The following RIN1 variants were observed in gnomAD, a reference collection of about 807,000 sequenced individuals.
The protein encoded by RIN1 is ras inhibitor 1.
In RIN1, 52 loss-of-function variants were observed where a neutral mutation model predicts 64.9. The observed-to-expected ratio is 0.80, with a 90% CI of 0.64 to 1.01. The LOEUF is 1.01. Ranked by LOEUF, RIN1 falls within the 50% of genes least tolerant of loss-of-function variation. The probability of loss-of-function intolerance (pLI) is 0.00; values close to 1 mark genes in which losing one functional copy is unlikely to be tolerated. For missense variants in RIN1, 1,040 were observed against 1,064.5 expected, an observed-to-expected ratio of 0.98 and a Z score of 0.32; for synonymous variants, 486 against 483.6, an observed-to-expected ratio of 1.00 and a Z score of -0.06.
chr11:66,332,692 C>CGG lies in RIN1; in HGVS notation c.1934_1935dup (p.Val646ProfsTer11). Reference sequence around the variant, plus strand: ...GTGGCAATCGAGGCTTCTGGGGGCACGGCCAGGGTCTTGGAGGTGCAGCCA... The same window carrying CGG: ...GTGGCAATCGAGGCTTCTGGGGGCACGGGGCCAGGGTCTTGGAGGTGCAGCCA... On this transcript the variant is annotated frameshift_variant, in exon 10 of 10. Transcript: ENST00000311320. LOFTEE classifies it high-confidence loss of function. 6.5e-7 allele frequency: 1 copy of CGG among 1,550,018 alleles called. No homozygotes were observed. Among genetic ancestry groups the CGG allele is most frequent in the Non-Finnish European group, 8.7e-7 (1 of 1,148,836 alleles).
rs1345361612 is a variant in RIN1 at position 66,332,746 on chromosome 11, G to A, written c.1882C>T (p.Leu628Phe). Residue 628 changes from leucine (L) to phenylalanine (F), a missense_variant, in exon 10 of 10, where the codon CTC becomes TTC. By Grantham distance (22) the Leu-to-Phe change is conservative (BLOSUM62 0). Coordinates refer to ENST00000311320, the MANE Select transcript of RIN1 (RefSeq NM_004292.3). ...CTGGGATCCTGATAGGCTACTCGGA[G>A]GAGGTGCTATGCAGGAGGAGAAGCA... ...LPATHCFQHL[L>F]RVAYQDPSSG... 8 of 1,514,654 alleles carry A rather than the reference G, an allele frequency of 5.3e-6. No homozygotes were observed. Among genetic ancestry groups the A allele is most frequent in the Non-Finnish European group, 7.1e-6 (8 of 1,133,016 alleles). 93.8% of individuals were successfully genotyped at this position (1,514,654 alleles called of 1,614,324 possible).
rs372225390 is a variant in RIN1 at position 66,332,693 on chromosome 11, G to A, written c.1935C>T (p.Ala645=). Residue 645 remains alanine, a synonymous_variant, in exon 10 of 10, where the codon GCC becomes GCT. Coordinates refer to ENST00000311320, the MANE Select transcript of RIN1 (RefSeq NM_004292.3). ...PSSGCTSKTL[A]VPPEASIATL... ...TGGCAATCGAGGCTTCTGGGGGCAC[G>A]GCCAGGGTCTTGGAGGTGCAGCCAC... 1.0e-5 allele frequency: 16 copies of A among 1,550,462 alleles called. No individual in the cohort carries two copies. The highest frequency in any genetic ancestry group is 2.5e-5 in the South Asian group (2 of 79,862).
chr11:66,335,744 G>T lies in RIN1; in HGVS notation c.382+18C>A, dbSNP rs376473136. On this transcript the variant is annotated intron_variant, in intron 3 of 9. Transcript: ENST00000311320. Reference sequence around the variant, plus strand: ...ACCTCCCTGCTTCCAGCCCCTTCCCGCCAGGCCAGCCCCTCACCGCCAGGG... The same window carrying T: ...ACCTCCCTGCTTCCAGCCCCTTCCCTCCAGGCCAGCCCCTCACCGCCAGGG... The T allele has an allele frequency of 1.9e-6, 3 of 1,609,136 alleles. No individual in the cohort carries two copies. The highest frequency in any genetic ancestry group is 1.3e-5 in the African/African-American group (1 of 74,832).
chr11:66,332,474 G>T lies in RIN1; in HGVS notation c.2154C>A (p.Gly718=). The T allele has an allele frequency of 2.5e-6, 4 of 1,614,148 alleles. No homozygotes were observed. Among genetic ancestry groups the T allele is most frequent in the Non-Finnish European group, 3.4e-6 (4 of 1,180,018 alleles). Residue 718 remains glycine, a synonymous_variant, in exon 10 of 10, where the codon GGC becomes GGA. Transcript: ENST00000311320. ...TGCTTCTTGCCTCTGACTGCCCACT[G>T]CCCTCCTCCTCTGTCACAGCCCCCT... ...ETQGAVTEEE[G]SGQSEARSRG...
In RIN1 at chr11:66,334,056, C is replaced by T. The variant is rs749622372; in HGVS notation, c.1454G>A (p.Ser485Asn). 1 of 1,573,758 alleles carries T rather than the reference C, an allele frequency of 6.4e-7. No individual in the cohort carries two copies. The change falls in exon 7 of 10, where the codon AGC becomes AAC. Residue 485 changes from serine (S) to asparagine (N), a missense_variant. Transcript: ENST00000311320. ...QGPGAFGSHL[S>N]LPSPVELEQV... ...CTCCAACTCTACTGGGGAGGGCAGG[C>T]TCAGGTGGGACCCGAAGGCTCCGGG...
In RIN1 at chr11:66,332,702, C is replaced by T; in HGVS notation, c.1926G>A (p.Lys642=). The T allele has an allele frequency of 6.5e-7, 1 of 1,536,998 alleles. No homozygotes were observed. The highest frequency in any genetic ancestry group is 8.7e-7 in the Non-Finnish European group (1 of 1,143,298). The change falls in exon 10 of 10, where the codon AAG becomes AAA. Residue 642 remains lysine (K), a synonymous_variant. Coordinates refer to ENST00000311320, the MANE Select transcript of RIN1 (RefSeq NM_004292.3). ...YQDPSSGCTS[K]TLAVPPEASI... ...AGGCTTCTGGGGGCACGGCCAGGGT[C>T]TTGGAGGTGCAGCCACTGCTGGGAT...
rs1019153554 is a variant in RIN1 at position 66,334,972 on chromosome 11, C to G, written c.827G>C (p.Ser276Thr). The change falls in exon 6 of 10, where the codon AGC becomes ACC. Residue 276 changes from serine (S) to threonine (T), a missense_variant. Transcript: ENST00000311320. ...GCAAGGGGGCAGCCGCTCTGTCTGG[C>G]TGGGGACTGCCCCTGGCAGCACGGG... ...PVPVLPGAVP[S>T]QTERLPPCQL... The G allele has an allele frequency of 5.7e-6, 9 of 1,574,322 alleles. No individual in the cohort carries two copies. The highest frequency in any genetic ancestry group is 3.6e-5 in the Admixed American group (2 of 55,144).
chr11:66,332,696 C>G lies in RIN1; in HGVS notation c.1932G>C (p.Leu644=). The change falls in exon 10 of 10, where the codon CTG becomes CTC. Residue 644 remains leucine, a synonymous_variant. Transcript: ENST00000311320. ...DPSSGCTSKT[L]AVPPEASIAT... ...CAATCGAGGCTTCTGGGGGCACGGCCAGGGTCTTGGAGGTGCAGCCACTGC... is the reference window on the plus strand; with the variant it reads ...CAATCGAGGCTTCTGGGGGCACGGCGAGGGTCTTGGAGGTGCAGCCACTGC... 1.9e-6 allele frequency: 3 copies of G among 1,549,320 alleles called. No homozygotes were observed. The highest frequency in any genetic ancestry group is 2.5e-5 in the South Asian group (2 of 79,516).
rs151239250 is a variant in RIN1, at chr11:66,332,586, T to C, written c.2042A>G (p.Tyr681Cys). 3.1e-6 allele frequency: 5 copies of C among 1,610,976 alleles called. No homozygotes were observed. In the African/African-American group the frequency reaches 5.3e-5, roughly 17 times the overall value. ...FGLFLYKEQG[Y>C]HRLPPGALAH... ...CAGGGCCCCAGGGGGCAGGCGGTGGTAGCCCTGCTCCTTGTACAGGAAGAG... is the reference window on the plus strand; with the variant it reads ...CAGGGCCCCAGGGGGCAGGCGGTGGCAGCCCTGCTCCTTGTACAGGAAGAG... The change falls in exon 10 of 10, where the codon TAC (tyrosine) becomes TGC (cysteine). Residue 681 changes from tyrosine to cysteine, a missense_variant. Physicochemically the swap from Tyr to Cys is radical, Grantham distance 194. Coordinates refer to ENST00000311320, the MANE Select transcript of RIN1 (RefSeq NM_004292.3).
chr11:66,336,550 C>G, upstream of RIN1: 1 of 692,002 alleles, frequency 1.4e-6, no homozygotes, highest in Non-Finnish European at 2.5e-6. Flanking sequence ...CAGTGCCCGC[C>G]TCCTCTGTTC....
At position 66,334,035 on chromosome 11, in the gene RIN1, A is replaced by T. The variant is rs1292818790; in HGVS notation, c.1475T>A (p.Leu492Ter). ...SHLSLPSPVELEQVRQKLLQL... is the reference protein window; with the variant it reads ...SHLSLPSPVE ...CAGCAGCTTCTGGCGCACTTGCTCC[A>T]ACTCTACTGGGGAGGGCAGGCTCAG... The change falls in exon 7 of 10, where the codon TTG becomes TAG. Residue 492 changes from leucine (L) to a stop codon, truncating the protein, a stop_gained. Coordinates refer to ENST00000311320, the MANE Select transcript of RIN1 (RefSeq NM_004292.3). LOFTEE classifies it high-confidence loss of function. The T allele has an allele frequency of 6.4e-7, 1 of 1,574,264 alleles. No individual in the cohort carries two copies. The highest frequency in any genetic ancestry group is 1.3e-5 in the African/African-American group (1 of 74,506).
rs908120071 is a variant in RIN1, at chr11:66,332,310, G to A, written c.2318C>T (p.Pro773Leu). ...TGCTGCCCGGCTTCCCTCTGCCTCT[G>A]GTTCCCCTGGCTGAGCAGGGCCTTC... ...AQEGPAQPGE[P>L]EAEGSRAAEE Residue 773 changes from proline (P) to leucine (L), a missense_variant, in exon 10 of 10, where the codon CCA becomes CTA. Coordinates refer to ENST00000311320, the MANE Select transcript of RIN1 (RefSeq NM_004292.3). 3.7e-6 allele frequency: 6 copies of A among 1,613,974 alleles called. No homozygotes were observed. The highest frequency in any genetic ancestry group is 5.1e-6 in the Non-Finnish European group (6 of 1,180,040).
rs1473123174 is a variant in RIN1 at position 66,332,560 on chromosome 11, C to A, written c.2068G>T (p.Ala690Ser). The change falls in exon 10 of 10, where the codon GCC (alanine) becomes TCC (serine). Residue 690 changes from alanine to serine, a missense_variant. Transcript: ENST00000311320. ...GYHRLPPGAL[A>S]HRLPTTGYLV... ...TAGCCAGTGGTGGGCAGCCTGTGGG[C>A]CAGGGCCCCAGGGGGCAGGCGGTGG... The A allele has an allele frequency of 3.1e-6, 5 of 1,612,488 alleles. No homozygotes were observed. Among genetic ancestry groups the A allele is most frequent in the East Asian group, 2.2e-5 (1 of 44,852 alleles).
chr11:66,332,944 A>G (rs1031132307), intron 9 of RIN1, 192 bp from the exon 10 acceptor site: 2 of 614,420 alleles, frequency 3.3e-6, no homozygotes, highest in African/African-American at 3.7e-5. Context: ...AGGTGCAAGG[A>G]CAGCCCAGTG....
At chr11:66,332,868 C>G in intron 9 of RIN1, 116 bp from the exon 10 acceptor site, 7 of 823,520 alleles carry the variant, frequency 8.5e-6, no homozygotes, top group Non-Finnish European at 1.1e-5. Flanking sequence ...AGGTGGAGAT[C>G]CAGTGGGAGA....
chr11:66,332,482 CCT>C lies in RIN1; in HGVS notation c.2144_2145del (p.Glu715GlyfsTer38), dbSNP rs1486914637. 1.9e-6 allele frequency: 3 copies of C among 1,614,094 alleles called. No homozygotes were observed. Among genetic ancestry groups the C allele is most frequent in the African/African-American group, 1.3e-5 (1 of 74,940 alleles). On this transcript the variant is annotated frameshift_variant, in exon 10 of 10. Transcript: ENST00000311320. LOFTEE classifies it high-confidence loss of function. Reference protein sequence around the residue: ...EWPETQGAVTEEEGSGQSEAR... With the variant: ...EWPETQGAVTXEEGSGQSEAR... ...GCCTCTGACTGCCCACTGCCCTCCT[CCT>C]CTGTCACAGCCCCCTGGGTCTCAGG...
rs1053942887 is a variant in RIN1 at position 66,333,995 on chromosome 11, G to A, written c.1515C>T (p.Thr505=). The part of the protein sequence containing the change: ...VRQKLLQLLR[T]YSPSAQVKRL... The stretch of plus-strand genomic sequence containing the variant: ...GCTTGACCTGGGCGCTGGGTGAGTA[G>A]GTGCGGAGCAGCTGCAGCAGCTTCT... Residue 505 remains threonine, a synonymous_variant, in exon 7 of 10, where the codon ACC becomes ACT. Transcript: ENST00000311320. 11 of 1,564,158 alleles carry A rather than the reference G, an allele frequency of 7.0e-6. No individual in the cohort carries two copies. In the Admixed American group the frequency reaches 1.9e-4, roughly 27 times the overall value.
rs977891612 is a variant in RIN1, at chr11:66,334,775, G to A, written c.1024C>T (p.Arg342Cys). Residue 342 changes from arginine to cysteine, a missense_variant, in exon 6 of 10, where the codon CGC becomes TGC. Arg to Cys is a radical substitution (Grantham distance 180, BLOSUM62 -3). Transcript: ENST00000311320. Reference protein sequence around the residue: ...GSPATSPHLGRRRPLLRSMSA... With the variant: ...GSPATSPHLGCRRPLLRSMSA... ...ATGGACCGAAGCAGAGGTCGTCGGCGGCCCAGGTGGGGTGAGGTCGCTGGG... is the reference window on the plus strand; with the variant it reads ...ATGGACCGAAGCAGAGGTCGTCGGCAGCCCAGGTGGGGTGAGGTCGCTGGG... 1.4e-5 allele frequency: 21 copies of A among 1,548,490 alleles called. No individual in the cohort carries two copies. The highest frequency in any genetic ancestry group is 1.1e-4 in the African/African-American group (8 of 73,042).
Position 66,331,851 on chromosome 11 carries a change from C to A in RIN1, c.*425G>T. 4.7e-6 allele frequency: 1 copy of A among 212,512 alleles called. No individual in the cohort carries two copies. Among genetic ancestry groups the A allele is most frequent in the South Asian group, 8.3e-5 (1 of 11,996 alleles). 13.2% of individuals were successfully genotyped at this position (212,512 alleles called of 1,614,324 possible). ...TCCTGACACCTAAGAGCCATTGGAA[C>A]CTTTTAGGGTCTGGAAGTCCCAGCC... On this transcript the variant is annotated 3_prime_UTR_variant, in exon 10 of 10. Transcript: ENST00000311320.
Sources: gnomAD v4.1 joint callset for allele counts on GRCh38, gnomAD v4.1.1 for gene constraint, MANE v1.5 for transcripts, NCBI Gene and HGNC (gene_info 2026-07-23, HGNC 2026-07-21) for gene names.